The following MAPK10 variants were observed in gnomAD, a reference collection of about 807,000 sequenced individuals.
MAPK10 encodes the protein JNK3 alpha protein kinase.
Under a neutral mutation model 59.3 loss-of-function variants are expected in MAPK10, and 25 were observed. The observed-to-expected ratio is 0.42, with a 90% CI of 0.31 to 0.59. The LOEUF (loss-of-function observed/expected upper bound fraction) is 0.59. MAPK10 is among the 20% of genes least tolerant of loss of function. MAPK10 has a pLI of 0.15. For missense variants in MAPK10, 351 were observed against 568.9 expected (o/e 0.62, Z 3.90); for synonymous variants, 190 against 200.5 (o/e 0.95, Z 0.44).
At chr4:86,359,061 G>A (rs200118583) in intron 1 of MAPK10, among the ~76,000 whole-genome samples, 1 of 151,730 alleles carries the variant, frequency 6.6e-6, no homozygotes, top group East Asian at 1.9e-4. Context: ...AACGCCAATA[G>A]TTTTATATCT....
chr4:86,168,450 C>T (rs1006756385), intron 3 of MAPK10, among the ~76,000 whole-genome samples: 13 of 152,304 alleles, frequency 8.5e-5, no homozygotes, highest in South Asian at 2.1e-4. Context: ...CACGGAGTCT[C>T]GCTGATTGCT....
rs183055535 is a variant in MAPK10, at chr4:86,335,872, G to A, written c.-7+18658C>T. Among the ~76,000 whole-genome samples the A allele has an allele frequency of 2.2e-3, 337 of 152,172 alleles. 1 individual carries two copies. The highest frequency in any genetic ancestry group is 4.1e-3 in the Non-Finnish European group (279 of 68,006). On this transcript the variant is annotated intron_variant, in intron 2 of 13. Transcript: ENST00000641462. ...TCATGAGAACAGCATGGGGGAAACC[G>A]CCTCCATGAGCCAATCACCTCCCTC...
At chr4:86,171,565 C>T (rs1033932878) in intron 3 of MAPK10, among the ~76,000 whole-genome samples, 1 of 152,116 alleles carries the variant, frequency 6.6e-6, no homozygotes, top group African/African-American at 2.4e-5. Flanking sequence ...ACACCTTATA[C>T]AAAAATTAAT....
rs368409354 is a variant in MAPK10 at position 86,336,936 on chromosome 4, G to A, written c.-7+17594C>T. On this transcript the variant is annotated intron_variant, in intron 2 of 13. Coordinates refer to ENST00000641462, the MANE Select transcript of MAPK10 (RefSeq NM_138982.4). ...CTCCCAAGTAGCTGGGACTACAGGC[G>A]CCCGCCACCGCGCCTGCTAATTTTT... is the stretch of plus-strand genomic sequence containing the variant. Among the ~76,000 whole-genome samples the A allele has an allele frequency of 3.0e-4, 45 of 151,618 alleles. 1 individual carries two copies. The South Asian group carries it at 6.3e-3, about 21-fold the overall frequency.
intron 4 of MAPK10, among the ~76,000 whole-genome samples, chr4:86,123,435 T>C (rs1371406677): frequency 2.0e-5 from 3 of 152,098 alleles, no homozygotes; most frequent in African/African-American, 7.2e-5. Context: ...TGCTGGAGCA[T>C]ATGGAAGTTG....
intron 7 of MAPK10, 102 bp downstream of exon 7, chr4:86,101,792 G>A: frequency 1.8e-6 from 2 of 1,132,052 alleles, no homozygotes; most frequent in Non-Finnish European, 2.6e-6. Context: ...AAATGAGGAA[G>A]TATATTATAT....
chr4:86,067,398 C>A (rs1309554635), intron 10 of MAPK10, among the ~76,000 whole-genome samples: 2 of 152,060 alleles, frequency 1.3e-5, no homozygotes, highest in Non-Finnish European at 2.9e-5. Flanking sequence ...CTCCCGCCTC[C>A]GCCTTCCAAA....
At chr4:86,342,530 G>A (rs1019591075) in intron 2 of MAPK10, among the ~76,000 whole-genome samples, 3 of 72,508 alleles carry the variant, frequency 4.1e-5, no homozygotes, top group Non-Finnish European at 1.0e-4. Context: ...TTAATAAAGT[G>A]TCTTCCTGTC....
chr4:86,297,088 G>T (rs1175703831), intron 2 of MAPK10, among the ~76,000 whole-genome samples: 1 of 152,176 alleles, frequency 6.6e-6, no homozygotes, highest in African/African-American at 2.4e-5. Flanking sequence ...ATTCCTCGGT[G>T]AGGCTAGTAC....
intron 2 of MAPK10, among the ~76,000 whole-genome samples, chr4:86,221,943 A>G (rs10019871): frequency 0.33 from 49,876 of 151,914 alleles, 11,132 homozygotes; most frequent in African/African-American, 0.64. Context: ...GTGAGATCTA[A>G]TTGTTTAAAA....
At position 86,471,275 on chromosome 4, in the gene MAPK10, C is replaced by CAAAAAAAAAAA. The variant is rs60423060; in HGVS notation, c.-262-116642_-262-116632dup. On this transcript the variant is annotated intron_variant, in intron 1 of 4. Coordinates refer to the MAPK10 transcript ENST00000502302. ...CACAGCAAGACTCTGTGCCCCCCTG[C>CAAAAAAAAAAA]AAAAAAAAAAAAAAAAAAAAGAATT... is the stretch of plus-strand genomic sequence containing the variant. Among the ~76,000 whole-genome samples the CAAAAAAAAAAA allele has an allele frequency of 2.1e-5, 2 of 96,874 alleles. 1 individual carries two copies. The allele number at this position is 96,874 out of a possible 152,430, so 63.6% of individuals were successfully genotyped here. A position where few individuals can be genotyped will look rare whatever the true frequency, so the allele number is the denominator to read the frequency against.
chr4:86,073,839 G>T (rs1245356306), intron 9 of MAPK10, among the ~76,000 whole-genome samples: 2 of 108,758 alleles, frequency 1.8e-5, no homozygotes, highest in Non-Finnish European at 3.8e-5. Flanking sequence ...TGGAATAGGT[G>T]TGGTGTGGTG....
At chr4:86,046,149 G>A (rs926493445) in intron 11 of MAPK10, among the ~76,000 whole-genome samples, 4 of 151,732 alleles carry the variant, frequency 2.6e-5, no homozygotes, top group Non-Finnish European at 5.9e-5. Context: ...TTTGTACATT[G>A]ATTTTGTATC....
chr4:86,549,136 T>C (rs1186303571), intron 1 of MAPK10, among the ~76,000 whole-genome samples: 1 of 152,088 alleles, frequency 6.6e-6, no homozygotes, highest in African/African-American at 2.4e-5. Flanking sequence ...CAAGTAAAAA[T>C]AAAAACTGTA....
chr4:86,306,518 G>A (rs1584405913), intron 2 of MAPK10, among the ~76,000 whole-genome samples: 1 of 152,216 alleles, frequency 6.6e-6, no homozygotes, highest in South Asian at 2.1e-4. Context: ...TACTTTGAAT[G>A]AATGTGTCCA....
intron 1 of MAPK10, among the ~76,000 whole-genome samples, chr4:86,400,486 T>C (rs1743562324): frequency 6.6e-6 from 1 of 152,086 alleles, no homozygotes; most frequent in African/African-American, 2.4e-5. Context: ...GGAGTTTTAA[T>C]TTATTTGGAA....
At chr4:86,581,297 T>A (rs1288330835) in intron 1 of MAPK10, among the ~76,000 whole-genome samples, 4 of 151,902 alleles carry the variant, frequency 2.6e-5, no homozygotes, top group Non-Finnish European at 4.4e-5. Context: ...AGATCAGCTC[T>A]ATTCCCTAAA....
chr4:86,445,055 A>G (rs1186019279), intron 1 of MAPK10, among the ~76,000 whole-genome samples: 1 of 152,188 alleles, frequency 6.6e-6, no homozygotes, highest in Admixed American at 6.5e-5. Flanking sequence ...TTGACCCAGC[A>G]ATCTGATTTC....
chr4:86,213,487 A>C (rs1018242300), intron 2 of MAPK10, among the ~76,000 whole-genome samples: 2 of 152,108 alleles, frequency 1.3e-5, no homozygotes, highest in Admixed American at 1.3e-4. Context: ...AGAAGGACTC[A>C]AATTCCTGAA....
Sources: allele counts gnomAD v4.1 joint callset (sites outside exome capture counted in the v4.1 genomes callset), GRCh38; gene constraint gnomAD v4.1.1; transcripts MANE v1.5; gene names NCBI Gene and HGNC (gene_info 2026-07-23, HGNC 2026-07-21).